Variants in ENTPD4 observed in about 807,000 individuals in gnomAD.
ENTPD4 encodes the protein Golgi UDPase.
Under a neutral mutation model 79.1 loss-of-function variants are expected in ENTPD4, and 60 were observed. The observed-to-expected ratio is 0.76, with a 90% CI of 0.62 to 0.94. The LOEUF (loss-of-function observed/expected upper bound fraction) is 0.94. Among genes scored for constraint, ENTPD4 ranks in the 40% least tolerant of loss-of-function variants. The pLI is 0.00. For missense variants in ENTPD4, 772 were observed against 775.1 expected (o/e 1.00, Z 0.05); for synonymous variants, 276 against 292.0 (o/e 0.95, Z 0.56).
chr8:23,455,203 C>A lies in ENTPD4; in HGVS notation c.-98+2354G>T, dbSNP rs538958984. Among the ~76,000 whole-genome samples, 25 of 152,260 alleles carry A rather than the reference C, an allele frequency of 1.6e-4. No homozygotes were observed. The East Asian group carries it at 4.2e-3, about 26-fold the overall frequency. ...GGAAATGGTTCCTCTGGTGGAAAAACACAAGATGCAAGGAAACAGATGTTA... is the reference window on the plus strand; with the variant it reads ...GGAAATGGTTCCTCTGGTGGAAAAAAACAAGATGCAAGGAAACAGATGTTA... On this transcript the variant is annotated intron_variant, in intron 1 of 12. Transcript: ENST00000358689.
At chr8:23,442,791 C>A (rs1800697039) in intron 6 of ENTPD4, among the ~76,000 whole-genome samples, 2 of 152,154 alleles carry the variant, frequency 1.3e-5, no homozygotes, top group Admixed American at 1.3e-4. Flanking sequence ...GTTTCATTGT[C>A]ACCTTGGGTA....
rs1800414635 is a variant in ENTPD4, at chr8:23,429,229, A to G, written c.*3697T>C. On this transcript the variant is annotated 3_prime_UTR_variant, in exon 13 of 13. Coordinates refer to ENST00000358689, the MANE Select transcript of ENTPD4 (RefSeq NM_004901.5). The stretch of plus-strand genomic sequence containing the variant: ...GTGTGGCACTGTAAGGCTGCCACAT[A>G]CAGCAAGTGACATGACACCAAAAGG... The G allele has an allele frequency of 1.0e-6, 1 of 985,446 alleles. No homozygotes were observed. Among genetic ancestry groups the G allele is most frequent in the African/African-American group, 1.7e-5 (1 of 57,376 alleles). The allele number at this position is 985,446 out of a possible 1,614,324, so 61.0% of individuals were successfully genotyped here. A position where few individuals can be genotyped will look rare whatever the true frequency, so the allele number is the denominator to read the frequency against.
At chr8:23,453,770 C>A (rs1446529210) in intron 1 of ENTPD4, among the ~76,000 whole-genome samples, 3 of 152,144 alleles carry the variant, frequency 2.0e-5, no homozygotes, top group Non-Finnish European at 4.4e-5. Flanking sequence ...CTCTACCCAT[C>A]ACACTTCCAG....
At chr8:23,441,093 G>C (rs1800660256) in intron 8 of ENTPD4, among the ~76,000 whole-genome samples, 1 of 152,182 alleles carries the variant, frequency 6.6e-6, no homozygotes, top group Non-Finnish European at 1.5e-5. Flanking sequence ...GCAACTGAGA[G>C]GGCACAGAAC....
chr8:23,448,006 C>A, intron 3 of ENTPD4, 121 bp from the exon 4 acceptor site: 1 of 711,966 alleles, frequency 1.4e-6, no homozygotes, highest in Non-Finnish European at 2.5e-6. Flanking sequence ...ACCACTATAA[C>A]ATCAATACAA....
At chr8:23,433,203 G>T in intron 12 of ENTPD4, 49 bp from the exon 13 acceptor site, 1 of 1,531,594 alleles carries the variant, frequency 6.5e-7, no homozygotes, top group Non-Finnish European at 9.0e-7. Flanking sequence ...GCAAGGAAAG[G>T]GGTGGAAAGG....
intron 11 of ENTPD4, 77 bp downstream of exon 11, chr8:23,435,315 G>T: frequency 1.0e-6 from 1 of 975,406 alleles, no homozygotes; most frequent in Non-Finnish European, 1.6e-6. Flanking sequence ...ACTGAGGCCA[G>T]GGTGTGGCAA....
chr8:23,447,812 C>T lies in ENTPD4; in HGVS notation c.280G>A (p.Asp94Asn), dbSNP rs1237773107. ...ACTCGAGACCCACTGCTACCACAGT[C>T]CACCACGATCCCATAGTTCACATTG... Reference protein sequence around the residue: ...NPNVNYGIVVDCGSSGSRVFV... With the variant: ...NPNVNYGIVVNCGSSGSRVFV... The change falls in exon 4 of 13, where the codon GAC becomes AAC. Residue 94 changes from aspartate (D) to asparagine (N), a missense_variant. Asp to Asn is a conservative substitution (Grantham distance 23, BLOSUM62 1). Transcript: ENST00000358689. The T allele has an allele frequency of 2.5e-6, 4 of 1,614,190 alleles. No homozygotes were observed. The highest frequency in any genetic ancestry group is 1.7e-6 in the Non-Finnish European group (2 of 1,180,012).
rs1563224956 is a variant in ENTPD4 at position 23,442,000 on chromosome 8, C to T, written c.727+7G>A. On this transcript the variant is annotated splice_region_variant and intron_variant, in intron 7 of 12. Coordinates refer to ENST00000358689, the MANE Select transcript of ENTPD4 (RefSeq NM_004901.5). ...CTAGATACATTTGTTGGAACCATGACACTTACCATCTTCAATATGCTCAAA... is the reference window on the plus strand; with the variant it reads ...CTAGATACATTTGTTGGAACCATGATACTTACCATCTTCAATATGCTCAAA... 5.6e-6 allele frequency: 9 copies of T among 1,610,564 alleles called. No homozygotes were observed. The East Asian group carries it at 2.0e-4, about 36-fold the overall frequency.
At chr8:23,434,050 C>T (rs1800509788) in intron 12 of ENTPD4, 5 of 427,888 alleles carry the variant, frequency 1.2e-5, no homozygotes, top group East Asian at 1.1e-4. Context: ...GACCCTTTTG[C>T]CGGGGCTGGG....
intron 1 of ENTPD4, among the ~76,000 whole-genome samples, chr8:23,455,651 T>A (rs1180303361): frequency 6.6e-6 from 1 of 152,226 alleles, no homozygotes; most frequent in African/African-American, 2.4e-5. Flanking sequence ...TGGTTCCCAT[T>A]TTAAGTAGTC....
rs561209453 is a variant in ENTPD4, at chr8:23,431,294, G to C, written c.*1632C>G. 5.5e-4 allele frequency: 529 copies of C among 960,946 alleles called. No homozygotes were observed. Among genetic ancestry groups the C allele is most frequent in the Non-Finnish European group, 6.3e-4 (508 of 807,942 alleles). 59.5% of individuals were successfully genotyped at this position (960,946 alleles called of 1,614,324 possible). A position where few individuals can be genotyped will look rare whatever the true frequency, so the allele number is the denominator to read the frequency against. ...ATAATATCCTCAGTTATCTGTTATA[G>C]CAACAACCCCACTTCTGGGTACTAA... is the stretch of plus-strand genomic sequence containing the variant. On this transcript the variant is annotated 3_prime_UTR_variant, in exon 13 of 13. Transcript: ENST00000358689.
At chr8:23,435,088 G>A (rs1585400404) in intron 11 of ENTPD4, among the ~76,000 whole-genome samples, 1 of 152,308 alleles carries the variant, frequency 6.6e-6, no homozygotes, top group East Asian at 1.9e-4. Context: ...CTGATTGAGG[G>A]GACAGAGGAA....
chr8:23,440,152 T>C, intron 8 of ENTPD4: 1 of 451,552 alleles, frequency 2.2e-6, no homozygotes, highest in Non-Finnish European at 3.9e-6. Context: ...GTCAGCAAAA[T>C]AGTTCATACC....
intron 8 of ENTPD4, 195 bp from the exon 9 acceptor site, chr8:23,440,110 T>C: frequency 1.9e-6 from 1 of 539,800 alleles, no homozygotes; most frequent in African/African-American, 1.9e-5. Context: ...GCTGCAAATT[T>C]GTGATACTGT....
intron 1 of ENTPD4, among the ~76,000 whole-genome samples, chr8:23,457,026 C>T (rs564997456): frequency 2.1e-4 from 32 of 152,320 alleles, no homozygotes; most frequent in African/African-American, 7.2e-4. Flanking sequence ...AGAATTGTTC[C>T]TTTAAAAGGG....
rs144479911 is a variant in ENTPD4, at chr8:23,431,782, G to A, written c.*1144C>T. On this transcript the variant is annotated 3_prime_UTR_variant, in exon 13 of 13. Coordinates refer to ENST00000358689, the MANE Select transcript of ENTPD4 (RefSeq NM_004901.5). ...GGAATACTGAGCAAGAAGTGGGCAT[G>A]TGCTCTAGTTCCAATAAAACCGAAA... The A allele has an allele frequency of 7.3e-5, 72 of 985,436 alleles. No individual in the cohort carries two copies. The highest frequency in any genetic ancestry group is 3.1e-4 in the Admixed American group (5 of 16,292). 61.0% of individuals were successfully genotyped at this position (985,436 alleles called of 1,614,324 possible).
chr8:23,438,469 T>G (rs1800610065), intron 9 of ENTPD4, among the ~76,000 whole-genome samples: 1 of 152,226 alleles, frequency 6.6e-6, no homozygotes, highest in Non-Finnish European at 1.5e-5. Flanking sequence ...ACTTCAATGC[T>G]CAATTCATGA....
Position 23,433,017 on chromosome 8 carries a change from C to G in ENTPD4, c.1760G>C (p.Arg587Pro). 1.2e-6 allele frequency: 2 copies of G among 1,613,928 alleles called. No homozygotes were observed. Among genetic ancestry groups the G allele is most frequent in the Non-Finnish European group, 1.7e-6 (2 of 1,179,930 alleles). ...GCTCCGGGGAGTGCGCCTGTGGATG[C>G]GCCGCAGCCGCAGCAGGTACAGCAG... is the stretch of plus-strand genomic sequence containing the variant. ...AILLYLLRLR[R>P]IHRRTPRSSS... Residue 587 changes from arginine to proline, a missense_variant, in exon 13 of 13, where the codon CGC becomes CCC. Coordinates refer to ENST00000358689, the MANE Select transcript of ENTPD4 (RefSeq NM_004901.5).
Sources: gnomAD v4.1 joint callset for allele counts (sites outside exome capture counted in the v4.1 genomes callset) on GRCh38, gnomAD v4.1.1 for gene constraint, MANE v1.5 for transcripts, NCBI Gene and HGNC (gene_info 2026-07-23, HGNC 2026-07-21) for gene names.